VRK2: variants seen among roughly 807,000 people sequenced by gnomAD.
The protein encoded by VRK2 is VRK serine/threonine kinase 2.
VRK2 carries 60 observed loss-of-function variants against 57.6 expected under a neutral mutation model. The ratio of observed to expected loss-of-function variants is 1.04; its 90% confidence interval spans 0.85 to 1.29. The LOEUF (loss-of-function observed/expected upper bound fraction) is 1.29. Ranked by LOEUF, VRK2 falls within the 50% of genes most tolerant of loss-of-function variation. The probability of loss-of-function intolerance (pLI) is 0.00; values close to 1 mark genes in which losing one functional copy is unlikely to be tolerated. For missense variants in VRK2, 705 were observed against 588.1 expected (o/e 1.20, Z -2.06); for synonymous variants, 231 against 199.2 (o/e 1.16, Z -1.35).
At chr2:57,920,969 T>C (rs1344498820) in intron 1 of VRK2, among the ~76,000 whole-genome samples, 1 of 152,132 alleles carries the variant, frequency 6.6e-6, no homozygotes, top group Admixed American at 6.6e-5. Context: ...TTTGCTCCTC[T>C]GTCAGGTATG....
chr2:58,024,336 T>A (rs2103679859), intron 1 of VRK2, among the ~76,000 whole-genome samples: 1 of 152,212 alleles, frequency 6.6e-6, no homozygotes, highest in Non-Finnish European at 1.5e-5. Flanking sequence ...GGCAAATATT[T>A]CCAATTTAGA....
At chr2:57,928,341 C>G (rs2312142) in intron 1 of VRK2, among the ~76,000 whole-genome samples, 150,245 of 152,166 alleles carry the variant, frequency 0.99, 74,176 homozygotes, top group Middle Eastern at 1. Flanking sequence ...GCATTCTTTA[C>G]TATGTCCATT....
chr2:58,130,491 G>C (rs1177394075), intron 8 of VRK2, among the ~76,000 whole-genome samples: 1 of 152,228 alleles, frequency 6.6e-6, no homozygotes, highest in Non-Finnish European at 1.5e-5. Flanking sequence ...CATTCTGCTA[G>C]ATTGAAGGGC....
chr2:58,056,645 A>C (rs1185841414), intron 2 of VRK2, among the ~76,000 whole-genome samples: 1 of 152,150 alleles, frequency 6.6e-6, no homozygotes, highest in East Asian at 1.9e-4. Flanking sequence ...CCCATTCTGC[A>C]TCACGTGTTT....
chr2:58,030,533 A>G (rs1351501932), intron 2 of VRK2, among the ~76,000 whole-genome samples: 1 of 151,986 alleles, frequency 6.6e-6, no homozygotes, highest in African/African-American at 2.4e-5. Flanking sequence ...GCAAAAAAAT[A>G]TCATATTTTC....
chr2:58,128,928 G>T (rs1224271750), intron 8 of VRK2, among the ~76,000 whole-genome samples: 1 of 151,926 alleles, frequency 6.6e-6, no homozygotes, highest in Non-Finnish European at 1.5e-5. Context: ...TTTCTTTCTA[G>T]TTAAATAGAA....
intron 7 of VRK2, among the ~76,000 whole-genome samples, chr2:58,109,995 C>G (rs1235843290): frequency 4.6e-5 from 7 of 152,096 alleles, no homozygotes; most frequent in African/African-American, 1.7e-4. Context: ...CATCAGGAAG[C>G]AAAGAAGACT....
At chr2:57,918,746 T>A (rs1032991936) in intron 1 of VRK2, among the ~76,000 whole-genome samples, 2 of 152,134 alleles carry the variant, frequency 1.3e-5, no homozygotes, top group Admixed American at 1.3e-4. Flanking sequence ...TACTTTTTAC[T>A]CTTCTATTGA....
chr2:58,086,516 A>C (rs1671645997), intron 5 of VRK2, 90 bp downstream of exon 5: 7 of 1,146,022 alleles, frequency 6.1e-6, no homozygotes, highest in Non-Finnish European at 8.6e-6. Flanking sequence ...CAAATTACCA[A>C]AACATATTGG....
At chr2:58,003,576 T>A (rs1028591004) in intron 1 of VRK2, among the ~76,000 whole-genome samples, 2 of 152,184 alleles carry the variant, frequency 1.3e-5, no homozygotes, top group Admixed American at 6.5e-5. Flanking sequence ...CATAATTATA[T>A]TCCATGCAAT....
chr2:58,040,930 GA>G, intron 3 of VRK2: 1 of 686,306 alleles, frequency 1.5e-6, no homozygotes, highest in Non-Finnish European at 1.8e-6. Flanking sequence ...TGACACACAG[GA>G]AAACTATTTC....
intron 3 of VRK2, among the ~76,000 whole-genome samples, chr2:58,038,716 T>TA (rs1481597799): frequency 5.3e-5 from 8 of 152,124 alleles, no homozygotes; most frequent in Non-Finnish European, 1.2e-4. Context: ...TGCCTACAAG[T>TA]CTAACTTCTT....
intron 11 of VRK2, among the ~76,000 whole-genome samples, chr2:58,142,327 T>TG (rs961569661): frequency 2.0e-5 from 3 of 151,398 alleles, no homozygotes; most frequent in African/African-American, 7.3e-5. Flanking sequence ...AGAAAAAGTT[T>TG]TTTTTTTTTT....
chr2:58,155,884 A>G (rs975463828), intron 12 of VRK2, among the ~76,000 whole-genome samples: 4 of 149,926 alleles, frequency 2.7e-5, no homozygotes, highest in African/African-American at 9.8e-5. Context: ...GTCCTCCCCC[A>G]GGGCTATTGG....
At chr2:58,070,846 T>C (rs1233928168) in intron 2 of VRK2, among the ~76,000 whole-genome samples, 87 of 152,158 alleles carry the variant, frequency 5.7e-4, no homozygotes, top group Admixed American at 5.7e-3. Context: ...AGTTCCTGGA[T>C]TGTATACTAA....
intron 8 of VRK2, 75 bp downstream of exon 8, chr2:58,123,308 A>G: frequency 6.5e-7 from 1 of 1,532,658 alleles, no homozygotes; most frequent in Non-Finnish European, 8.7e-7. Context: ...GGCTGCATGA[A>G]ATGACCTTTG....
At chr2:58,073,290 G>A (rs1259407496) in intron 2 of VRK2, among the ~76,000 whole-genome samples, 1 of 151,986 alleles carries the variant, frequency 6.6e-6, no homozygotes, top group Non-Finnish European at 1.5e-5. Context: ...GCTGTTGTTG[G>A]ATGAGGTATT....
At chr2:57,999,012 T>C (rs556268197) in intron 1 of VRK2, among the ~76,000 whole-genome samples, 19 of 152,144 alleles carry the variant, frequency 1.2e-4, no homozygotes, top group African/African-American at 4.3e-4. Flanking sequence ...TGTATATTAA[T>C]AAATATGAAA....
chr2:58,007,523 A>G (rs1313470098), intron 1 of VRK2, among the ~76,000 whole-genome samples: 2 of 152,090 alleles, frequency 1.3e-5, no homozygotes, highest in Non-Finnish European at 2.9e-5. Flanking sequence ...CCACATAATA[A>G]ATACTAAATA....
Sources: gnomAD v4.1 joint callset for allele counts (sites outside exome capture counted in the v4.1 genomes callset) on GRCh38, gnomAD v4.1.1 for gene constraint, MANE v1.5 for transcripts, NCBI Gene and HGNC (gene_info 2026-07-23, HGNC 2026-07-21) for gene names.